Variants in RARB observed in about 807,000 individuals in gnomAD.
The protein encoded by RARB is retinoic acid receptor beta, also known as HBV-activated protein.
A neutral mutation model predicts 51.9 loss-of-function variants in RARB; 17 were observed. That is an observed-to-expected ratio of 0.33 (90% CI 0.22 to 0.49). RARB has a LOEUF of 0.49. Ranked by LOEUF, RARB falls within the 20% of genes least tolerant of loss-of-function variation. The pLI is 0.99. For missense variants in RARB, 369 were observed against 550.8 expected (o/e 0.67, Z 3.30); for synonymous variants, 215 against 195.4 (o/e 1.10, Z -0.84).
At chr3:25,328,776 A>C (rs1559359163) in intron 5 of RARB, among the ~76,000 whole-genome samples, 1 of 152,182 alleles carries the variant, frequency 6.6e-6, no homozygotes, top group Admixed American at 6.5e-5. Flanking sequence ...TTTCCTAGCC[A>C]AGGGAAGCTG....
At chr3:24,837,674 G>T (rs1175249770) in intron 1 of RARB, among the ~76,000 whole-genome samples, 1 of 151,932 alleles carries the variant, frequency 6.6e-6, no homozygotes, top group Non-Finnish European at 1.5e-5. Context: ...TTTTCTCTTT[G>T]TGTTAATTTT....
At chr3:25,122,796 C>A (rs1699805862) in intron 3 of RARB, among the ~76,000 whole-genome samples, 1 of 152,066 alleles carries the variant, frequency 6.6e-6, no homozygotes, top group South Asian at 2.1e-4. Flanking sequence ...GCAGTCCACC[C>A]CTCTAACCAC....
At chr3:25,078,750 C>T (rs767051359) in intron 3 of RARB, among the ~76,000 whole-genome samples, 11 of 152,034 alleles carry the variant, frequency 7.2e-5, no homozygotes, top group Non-Finnish European at 1.2e-4. Context: ...AGGCTGGTCT[C>T]GAACTCCCGA....
At chr3:25,441,333 TGGAAG>T (rs1394524257) in intron 1 of RARB, 15 of 374,402 alleles carry the variant, frequency 4.0e-5, no homozygotes, top group African/African-American at 6.4e-5. Context: ...CACCACATAT[TGGAAG>T]GGAAGTTTGC....
rs564823158 is a variant in RARB, at chr3:24,925,419, G to T, written c.-380+66667G>T. On this transcript the variant is annotated intron_variant, in intron 2 of 11. Transcript: ENST00000383772. ...GCACTTTGGGAGGCTGAATATGGAGGGTTGCATGAGCTCAGGAATTTGAGA... is the reference window on the plus strand; with the variant it reads ...GCACTTTGGGAGGCTGAATATGGAGTGTTGCATGAGCTCAGGAATTTGAGA... Among the ~76,000 whole-genome samples the T allele has an allele frequency of 5.7e-4, 86 of 152,036 alleles. No homozygotes were observed. The South Asian group carries it at 8.7e-3, about 15-fold the overall frequency.
chr3:25,504,402 A>T (rs1697466691), intron 3 of RARB, among the ~76,000 whole-genome samples: 1 of 152,186 alleles, frequency 6.6e-6, no homozygotes, highest in Non-Finnish European at 1.5e-5. Flanking sequence ...AACTTGGGTC[A>T]TGTGCCCTTC....
chr3:25,001,602 G>A (rs539198115), intron 2 of RARB, among the ~76,000 whole-genome samples: 49 of 152,234 alleles, frequency 3.2e-4, no homozygotes, highest in African/African-American at 1.1e-3. Flanking sequence ...TCTTAGCCAC[G>A]TGGCACCACT....
At chr3:24,849,868 G>A (rs1702534973) in intron 1 of RARB, among the ~76,000 whole-genome samples, 1 of 150,446 alleles carries the variant, frequency 6.6e-6, no homozygotes, top group South Asian at 2.1e-4. Flanking sequence ...TGGTAGATGA[G>A]CTAAGAATAA....
At chr3:25,084,360 G>A (rs1699065288) in intron 3 of RARB, among the ~76,000 whole-genome samples, 1 of 152,062 alleles carries the variant, frequency 6.6e-6, no homozygotes, top group African/African-American at 2.4e-5. Context: ...GAACTCTGAA[G>A]GTTAAAGTCT....
At chr3:25,163,504 A>AAAAAAAAAAAAAAAATATATATATATAT (rs1303712411) in intron 4 of RARB, among the ~76,000 whole-genome samples, 1 of 131,096 alleles carries the variant, frequency 7.6e-6, no homozygotes, top group African/African-American at 3.2e-5. Flanking sequence ...CCTATCTCAA[A>AAAAAAAAAAAAAAAATATATATATATAT]ATATATATAT....
At chr3:24,994,853 T>G (rs1252919165) in intron 2 of RARB, among the ~76,000 whole-genome samples, 1 of 152,128 alleles carries the variant, frequency 6.6e-6, no homozygotes, top group Non-Finnish European at 1.5e-5. Flanking sequence ...TTGTTGTATG[T>G]GTCAGTTTTC....
chr3:25,547,527 G>A (rs533184745), intron 3 of RARB, among the ~76,000 whole-genome samples: 43 of 152,276 alleles, frequency 2.8e-4, no homozygotes, highest in East Asian at 9.6e-4. Flanking sequence ...ATTATTGGGC[G>A]GTCATTGCTT....
At chr3:25,025,518 C>A (rs1334664081) in intron 2 of RARB, among the ~76,000 whole-genome samples, 2 of 152,058 alleles carry the variant, frequency 1.3e-5, no homozygotes, top group Admixed American at 1.3e-4. Flanking sequence ...TGGAACTAGC[C>A]AGGATGGTAG....
chr3:25,502,653 G>A (rs1697375586), intron 3 of RARB, among the ~76,000 whole-genome samples: 2 of 152,154 alleles, frequency 1.3e-5, no homozygotes, highest in South Asian at 2.1e-4. Flanking sequence ...CCGCATGCGT[G>A]AACATGTAAC....
chr3:25,010,057 C>G lies in RARB; in HGVS notation c.-379-50068C>G, dbSNP rs150367700. 3.0e-3 allele frequency among the ~76,000 whole-genome samples: 453 copies of G among 152,176 alleles called. 4 individuals carry two copies. The highest frequency in any genetic ancestry group is 0.01 in the African/African-American group (435 of 41,526). On this transcript the variant is annotated intron_variant, in intron 2 of 11. Coordinates refer to the RARB transcript ENST00000383772. ...CCCTTTGACTGATTGTTTATTATAA[C>G]CTTAGTTCAGGTAAAGTTTTTCTTA...
chr3:24,832,431 A>G (rs896232855), intron 1 of RARB, among the ~76,000 whole-genome samples: 1 of 151,970 alleles, frequency 6.6e-6, no homozygotes, highest in African/African-American at 2.4e-5. Flanking sequence ...CAAGCTGTTC[A>G]TTACAGTGGA....
intron 5 of RARB, among the ~76,000 whole-genome samples, chr3:25,319,783 T>C (rs1029020992): frequency 5.9e-5 from 9 of 152,338 alleles, no homozygotes; most frequent in Middle Eastern, 3.4e-3. Flanking sequence ...AGGAGAGATA[T>C]TCACAGTGGA....
chr3:25,576,347 T>C lies in RARB; in HGVS notation c.610-4199T>C, dbSNP rs541724416. On this transcript the variant is annotated intron_variant, in intron 4 of 7. Coordinates refer to ENST00000330688, the MANE Select transcript of RARB (RefSeq NM_000965.5). ...GACACAGGGCAGGGCTTTTGATCTT[T>C]CTCAGATATGCCCTGCAGCTCCAGA... Among the ~76,000 whole-genome samples the C allele has an allele frequency of 2.6e-5, 4 of 152,314 alleles. No homozygotes were observed. In the South Asian group the frequency reaches 8.3e-4, roughly 32 times the overall value.
intron 2 of RARB, among the ~76,000 whole-genome samples, chr3:25,053,148 G>A (rs764672704): frequency 5.9e-5 from 9 of 152,118 alleles, no homozygotes; most frequent in Non-Finnish European, 1.3e-4. Flanking sequence ...AGCAATTGAA[G>A]CGACGTAATT....
Sources: allele counts gnomAD v4.1 joint callset (sites outside exome capture counted in the v4.1 genomes callset), GRCh38; gene constraint gnomAD v4.1.1; transcripts MANE v1.5; gene names NCBI Gene and HGNC (gene_info 2026-07-23, HGNC 2026-07-21).